The following LRP5 variants were observed in gnomAD, a reference collection of about 807,000 sequenced individuals.
LRP5 encodes the protein LDL receptor related protein 5.
In LRP5, 62 loss-of-function variants were observed where a neutral mutation model predicts 154.1. The observed-to-expected ratio is 0.40, with a 90% CI of 0.33 to 0.50. The LOEUF is 0.50. LRP5 is among the 20% of genes least tolerant of loss of function. LRP5 has a pLI of 0.55. For missense variants in LRP5, 1,915 were observed against 2,336.7 expected, an observed-to-expected ratio of 0.82 and a Z score of 3.72; for synonymous variants, 966 against 1,011.5, an observed-to-expected ratio of 0.96 and a Z score of 0.85.
At chr11:68,431,745 C>T (rs7125942) in intron 17 of LRP5, among the ~76,000 whole-genome samples, 3 of 152,262 alleles carry the variant, frequency 2.0e-5, no homozygotes, top group Non-Finnish European at 2.9e-5. Flanking sequence ...TGCAACCCAA[C>T]GGTGTCTGTG....
chr11:68,403,770 G>T, intron 8 of LRP5, 71 bp downstream of exon 8: 1 of 1,583,294 alleles, frequency 6.3e-7, no homozygotes, highest in Non-Finnish European at 8.6e-7. Context: ...ACGGGTCCAT[G>T]CCTGGGCATA....
At chr11:68,398,648 A>G (rs2098650911) in intron 7 of LRP5, among the ~76,000 whole-genome samples, 1 of 148,090 alleles carries the variant, frequency 6.8e-6, no homozygotes, top group Non-Finnish European at 1.5e-5. Flanking sequence ...TAATTACTTG[A>G]AAAAAAAAAA....
At chr11:68,445,626 C>G in intron 21 of LRP5, 1 of 1,318,384 alleles carries the variant, frequency 7.6e-7, no homozygotes, top group Non-Finnish European at 9.9e-7. Flanking sequence ...CCCACATAAG[C>G]CCTACACCCT....
At chr11:68,307,231 G>C in the LRP5 span, among the ~76,000 whole-genome samples, 8 of 152,188 alleles carry the variant, frequency 5.3e-5, no homozygotes, top group African/African-American at 1.9e-4. Flanking sequence ...CAACACTTTG[G>C]GAGGCCAGGC....
At chr11:68,438,308 C>G in intron 19 of LRP5, 138 bp from the exon 20 acceptor site, 1 of 881,012 alleles carries the variant, frequency 1.1e-6, no homozygotes, top group Non-Finnish European at 1.9e-6. Flanking sequence ...CAGGCCTAGC[C>G]TCCCAGCTCC....
rs683978 is a variant in LRP5 at position 68,424,953 on chromosome 11, T to C, written c.3237-149T>C. On this transcript the variant is annotated intron_variant, in intron 14 of 22. Coordinates refer to ENST00000294304, the MANE Select transcript of LRP5 (RefSeq NM_002335.4). Reference sequence around the variant, plus strand: ...GGGGTGAGCGGGAATTTGGAGAGCATTGTTCAACTAGTATAGAATGTGACC... The same window carrying C: ...GGGGTGAGCGGGAATTTGGAGAGCACTGTTCAACTAGTATAGAATGTGACC... The C allele has an allele frequency of 0.31, 196,989 of 643,278 alleles. 32,406 individuals carry two copies. The highest frequency in any genetic ancestry group is 0.47 in the African/African-American group (26,088 of 55,700). 39.8% of individuals were successfully genotyped at this position (643,278 alleles called of 1,614,324 possible).
rs932772662 is a variant in LRP5 at position 68,423,185 on chromosome 11, C to T, written c.3028-304C>T. On this transcript the variant is annotated intron_variant, in intron 13 of 22. Transcript: ENST00000294304. This position sits in a 1 kb window ranked among gnomAD's most constrained non-coding sequence, Gnocchi z 4.7. Reference sequence around the variant, plus strand: ...GGCTGAGGAGGCCTAAAGTCCGAGGCGGCAAGAGCTCTTCCAGAGGCTGTT... The same window carrying T: ...GGCTGAGGAGGCCTAAAGTCCGAGGTGGCAAGAGCTCTTCCAGAGGCTGTT... 2.6e-5 allele frequency among the ~76,000 whole-genome samples: 4 copies of T among 152,120 alleles called. No homozygotes were observed. The highest frequency in any genetic ancestry group is 4.1e-4 in the South Asian group (2 of 4,822).
chr11:68,421,144 G>T lies in LRP5; in HGVS notation c.3028-2345G>T, dbSNP rs371612335. ...TGGGAGGCTGAGGCAGGAGAATGGCGTGAACCCGGGAGGCGGAGCTTGCGG... is the reference window on the plus strand; with the variant it reads ...TGGGAGGCTGAGGCAGGAGAATGGCTTGAACCCGGGAGGCGGAGCTTGCGG... On this transcript the variant is annotated intron_variant, in intron 13 of 22. Coordinates refer to ENST00000294304, the MANE Select transcript of LRP5 (RefSeq NM_002335.4). Among the ~76,000 whole-genome samples the T allele has an allele frequency of 7.2e-5, 11 of 152,062 alleles. No homozygotes were observed. The East Asian group carries it at 1.9e-3, about 27-fold the overall frequency.
chr11:68,436,817 G>T, intron 18 of LRP5, 72 bp from the exon 19 acceptor site: 1 of 1,077,796 alleles, frequency 9.3e-7, no homozygotes, highest in Non-Finnish European at 1.4e-6. Flanking sequence ...TCCAGACCTT[G>T]GTTGCTGTGC....
In LRP5 at chr11:68,312,596, C is replaced by T. The variant is rs1470122655; in HGVS notation, c.-119C>T. ...CGCCCAGCTCCCTCCTCCCCGTCGTCCTGGTCCGCGGCGCCCGAGGGGGGA... is the reference window on the plus strand; with the variant it reads ...CGCCCAGCTCCCTCCTCCCCGTCGTTCTGGTCCGCGGCGCCCGAGGGGGGA... On this transcript the variant is annotated 5_prime_UTR_variant, in exon 1 of 23. Transcript: ENST00000294304. 1 of 276,490 alleles carries T rather than the reference C, an allele frequency of 3.6e-6. No homozygotes were observed. The highest frequency in any genetic ancestry group is 2.3e-5 in the African/African-American group (1 of 43,200). 17.1% of individuals were successfully genotyped at this position (276,490 alleles called of 1,614,324 possible).
chr11:68,436,831 G>A, intron 18 of LRP5, 58 bp from the exon 19 acceptor site: 2 of 1,290,178 alleles, frequency 1.6e-6, no homozygotes, highest in Non-Finnish European at 1.1e-6. Flanking sequence ...GCTGTGCCCT[G>A]CATGGTGGGC....
intron 7 of LRP5, among the ~76,000 whole-genome samples, chr11:68,393,707 G>A (rs903072524): frequency 6.6e-6 from 1 of 152,170 alleles, no homozygotes; most frequent in African/African-American, 2.4e-5. Flanking sequence ...CTTGAACCCG[G>A]GAGGCAGAGG....
At chr11:68,383,477 T>G (rs1162093506) in intron 5 of LRP5, among the ~76,000 whole-genome samples, 1 of 152,078 alleles carries the variant, frequency 6.6e-6, no homozygotes, top group Non-Finnish European at 1.5e-5. Flanking sequence ...GAGTCTCTGG[T>G]CCCCTCCAAG....
At position 68,412,141 on chromosome 11, in the gene LRP5, T is replaced by G. The variant is rs1030247208; in HGVS notation, c.2503+521T>G. On this transcript the variant is annotated intron_variant, in intron 11 of 22. Coordinates refer to ENST00000294304, the MANE Select transcript of LRP5 (RefSeq NM_002335.4). ...ATCTCCTTTTTCCAGATCATGAGAA[T>G]GAGGCTCAGGGAAGTTTGAAAAAAA... Among the ~76,000 whole-genome samples the G allele has an allele frequency of 2.0e-5, 3 of 152,112 alleles. No individual in the cohort carries two copies. The East Asian group carries it at 5.8e-4, about 29-fold the overall frequency.
At chr11:68,367,193 T>G (rs1425419212) in intron 5 of LRP5, among the ~76,000 whole-genome samples, 1 of 152,086 alleles carries the variant, frequency 6.6e-6, no homozygotes, top group East Asian at 1.9e-4. Flanking sequence ...GCCTCCTGAG[T>G]GACCTGGCGA....
chr11:68,395,054 A>C (rs2098648496), intron 7 of LRP5, among the ~76,000 whole-genome samples: 2 of 152,136 alleles, frequency 1.3e-5, no homozygotes, highest in South Asian at 4.1e-4. Context: ...TAATCCCAAC[A>C]CTTTGGAAAG....
chr11:68,401,462 C>T (rs937644784), intron 7 of LRP5, among the ~76,000 whole-genome samples: 30 of 152,302 alleles, frequency 2.0e-4, no homozygotes, highest in Non-Finnish European at 3.7e-4. Flanking sequence ...CTGGGCTATC[C>T]GATTCTGACT....
At chr11:68,363,139 C>T (rs907974201) in intron 3 of LRP5, among the ~76,000 whole-genome samples, 5 of 152,220 alleles carry the variant, frequency 3.3e-5, no homozygotes, top group African/African-American at 1.2e-4. Context: ...GTGCACATGG[C>T]CTGATTTGTA....
chr11:68,437,885 G>A (rs568256671), intron 19 of LRP5, among the ~76,000 whole-genome samples: 39 of 152,262 alleles, frequency 2.6e-4, no homozygotes, highest in Non-Finnish European at 4.7e-4. Flanking sequence ...GAGCCCGCAC[G>A]CTTCCATTCC....
Sources: gnomAD v4.1 joint callset for allele counts (sites outside exome capture counted in the v4.1 genomes callset) on GRCh38, gnomAD v4.1.1 for gene constraint, Gnocchi (gnomAD v3.1) non-coding constraint, MANE v1.5 for transcripts, NCBI Gene and HGNC (gene_info 2026-07-23, HGNC 2026-07-21) for gene names.